CDH20: variants seen among roughly 807,000 people sequenced by gnomAD.
CDH20 encodes cadherin-20.
CDH20 carries 29 observed loss-of-function variants against 74.2 expected under a neutral mutation model. The observed-to-expected ratio is 0.39, with a 90% CI of 0.29 to 0.53. CDH20 has a LOEUF of 0.53. CDH20 is among the 20% of genes least tolerant of loss of function. The pLI is 0.69. For missense variants in CDH20, 988 were observed against 1,048.3 expected (o/e 0.94, Z 0.79); for synonymous variants, 469 against 405.4 (o/e 1.16, Z -1.88).
intron 6 of CDH20, among the ~76,000 whole-genome samples, chr18:61,523,086 T>G (rs560083906): frequency 6.6e-6 from 1 of 152,150 alleles, no homozygotes; most frequent in South Asian, 2.1e-4. Context: ...ACTAAAGAGC[T>G]TCTGCACAGC....
chr18:61,528,290 C>G, intron 7 of CDH20, 70 bp downstream of exon 7: 1 of 1,486,630 alleles, frequency 6.7e-7, no homozygotes, highest in Non-Finnish European at 9.2e-7. Context: ...AATTTTCTAG[C>G]ACTTTTCCCT....
In CDH20 at chr18:61,535,331, T is replaced by G. The variant is rs1568180735; in HGVS notation, c.1272-1162T>G. Among the ~76,000 whole-genome samples the G allele has an allele frequency of 1.3e-5, 2 of 151,902 alleles. 1 individual carries two copies. The highest frequency in any genetic ancestry group is 4.1e-4 in the South Asian group (2 of 4,820). On this transcript the variant is annotated intron_variant, in intron 7 of 11. Coordinates refer to ENST00000262717, the MANE Select transcript of CDH20 (RefSeq NM_031891.4). ...ACTCCACCTCAGAAAAAAAAAAGAATTAAAAAATAAAAATGATAAAAATTA... is the reference window on the plus strand; with the variant it reads ...ACTCCACCTCAGAAAAAAAAAAGAAGTAAAAAATAAAAATGATAAAAATTA...
At chr18:61,498,685 A>C (rs1318521817) in intron 2 of CDH20, among the ~76,000 whole-genome samples, 1 of 152,182 alleles carries the variant, frequency 6.6e-6, no homozygotes, top group African/African-American at 2.4e-5. Context: ...CACTTTTCTC[A>C]CTGCAGTGCC....
In CDH20 at chr18:61,503,116, C is replaced by G. The variant is rs1185962235; in HGVS notation, c.825C>G (p.Pro275=). ...TCAATGATAACCCACCCCGCTTTCCCCAGAGTGAGTACCTAACCCAAGAGA... is the reference window on the plus strand; with the variant it reads ...TCAATGATAACCCACCCCGCTTTCCGCAGAGTGAGTACCTAACCCAAGAGA... The part of the protein sequence containing the change: ...SDVNDNPPRF[P]QKHYQMSVLE... Residue 275 remains proline (P), a synonymous_variant, in exon 5 of 12, where the codon CCC becomes CCG. Coordinates refer to ENST00000262717, the MANE Select transcript of CDH20 (RefSeq NM_031891.4). The G allele has an allele frequency of 6.2e-7, 1 of 1,605,188 alleles. No homozygotes were observed. The highest frequency in any genetic ancestry group is 1.1e-5 in the South Asian group (1 of 89,266).
In CDH20 at chr18:61,555,186, T is replaced by G. The variant is rs1913589799; in HGVS notation, c.*491T>G. The G allele has an allele frequency of 5.1e-6, 5 of 986,786 alleles. No homozygotes were observed. Among genetic ancestry groups the G allele is most frequent in the Non-Finnish European group, 6.0e-6 (5 of 831,830 alleles). The allele number at this position is 986,786 out of a possible 1,614,324, so 61.1% of individuals were successfully genotyped here. On this transcript the variant is annotated 3_prime_UTR_variant, in exon 12 of 12. Coordinates refer to ENST00000262717, the MANE Select transcript of CDH20 (RefSeq NM_031891.4). ...CAAGAAAGAACAAAAAACTTGTTAC[T>G]CAGTGAAATTAACCTACTTGTTCTG... is the stretch of plus-strand genomic sequence containing the variant.
At chr18:61,461,548 G>C (rs979356893) in intron 1 of CDH20, among the ~76,000 whole-genome samples, 1 of 152,074 alleles carries the variant, frequency 6.6e-6, no homozygotes, top group East Asian at 1.9e-4. Context: ...TTCCCTGTGT[G>C]TCTGTCTGCT....
chr18:61,370,375 G>A (rs143284291), intron 1 of CDH20, among the ~76,000 whole-genome samples: 10 of 152,134 alleles, frequency 6.6e-5, no homozygotes, highest in African/African-American at 1.4e-4. Context: ...GCTTAAAAGT[G>A]AATATATCTA....
At chr18:61,494,259 G>T (rs1391104063) in intron 2 of CDH20, among the ~76,000 whole-genome samples, 1 of 152,180 alleles carries the variant, frequency 6.6e-6, no homozygotes, top group African/African-American at 2.4e-5. Context: ...ACACACACAG[G>T]AGTCAGTGGT....
At chr18:61,475,850 T>G (rs900220801) in intron 1 of CDH20, among the ~76,000 whole-genome samples, 5 of 152,232 alleles carry the variant, frequency 3.3e-5, no homozygotes, top group Admixed American at 1.3e-4. Context: ...ACCTGTCACA[T>G]CATAAATGAA....
intron 9 of CDH20, among the ~76,000 whole-genome samples, chr18:61,540,490 A>C (rs890709999): frequency 6.6e-6 from 1 of 152,202 alleles, no homozygotes; most frequent in Non-Finnish European, 1.5e-5. Context: ...CACATCTTAC[A>C]TGGCAGCAGG....
intron 1 of CDH20, among the ~76,000 whole-genome samples, chr18:61,408,755 T>A (rs1224082993): frequency 1.3e-5 from 2 of 152,176 alleles, no homozygotes; most frequent in Non-Finnish European, 2.9e-5. Flanking sequence ...CATTTGGTCC[T>A]CTTAATTTAG....
chr18:61,376,543 CATTA>C (rs1207742406), intron 1 of CDH20, among the ~76,000 whole-genome samples: 1 of 151,982 alleles, frequency 6.6e-6, no homozygotes, highest in Non-Finnish European at 1.5e-5. Flanking sequence ...TTGGACTTAT[CATTA>C]GTTATTCTAA....
Position 61,499,321 on chromosome 18 carries a change from G to T in CDH20, c.382G>T (p.Ala128Ser). 1 of 1,614,070 alleles carries T rather than the reference G, an allele frequency of 6.2e-7. No homozygotes were observed. The highest frequency in any genetic ancestry group is 8.5e-7 in the Non-Finnish European group (1 of 1,179,966). The change falls in exon 3 of 12, where the codon GCC becomes TCC. Residue 128 changes from alanine (A) to serine (S), a missense_variant. Around this residue, in one of 2 missense-constraint regions of CDH20, gnomAD observed 613 missense variants for 755.2 expected, o/e 0.81. Coordinates refer to ENST00000262717, the MANE Select transcript of CDH20 (RefSeq NM_031891.4). ...AIQRLDREER[A>S]QYTLRAQALD... ...TCAGAGGCTCGACCGAGAGGAAAGA[G>T]CCCAGTATACTCTAAGGGCTCAAGC...
chr18:61,425,962 C>T (rs969970593), intron 1 of CDH20, among the ~76,000 whole-genome samples: 6 of 152,180 alleles, frequency 3.9e-5, no homozygotes, highest in Admixed American at 2.0e-4. Flanking sequence ...CAGTACTTCA[C>T]TCTTTTTGAT....
intron 1 of CDH20, among the ~76,000 whole-genome samples, chr18:61,362,090 C>G (rs1910711752): frequency 6.6e-6 from 1 of 152,098 alleles, no homozygotes; most frequent in Non-Finnish European, 1.5e-5. Flanking sequence ...AGGATCAGAG[C>G]CCATAAACCC....
At chr18:61,435,063 C>A (rs1046011098) in intron 1 of CDH20, among the ~76,000 whole-genome samples, 2 of 152,052 alleles carry the variant, frequency 1.3e-5, no homozygotes, top group Non-Finnish European at 2.9e-5. Flanking sequence ...CAACTTTATG[C>A]GCATTCTCAC....
intron 6 of CDH20, among the ~76,000 whole-genome samples, chr18:61,516,614 A>G (rs1599140638): frequency 6.6e-6 from 1 of 152,264 alleles, no homozygotes; most frequent in Non-Finnish European, 1.5e-5. Context: ...GGATTCTCAG[A>G]TATTATTACT....
At chr18:61,482,769 T>C (rs1489172066) in intron 1 of CDH20, among the ~76,000 whole-genome samples, 1 of 152,036 alleles carries the variant, frequency 6.6e-6, no homozygotes, top group Non-Finnish European at 1.5e-5. Context: ...AGTGCTAAGA[T>C]TACAAGTGTG....
chr18:61,412,568 CAACA>C (rs1486182779), intron 1 of CDH20, among the ~76,000 whole-genome samples: 1 of 151,964 alleles, frequency 6.6e-6, no homozygotes, highest in Non-Finnish European at 1.5e-5. Flanking sequence ...AAGAATAGTC[CAACA>C]ACCCATCTGC....
Sources: allele counts gnomAD v4.1 joint callset (sites outside exome capture counted in the v4.1 genomes callset), GRCh38; gene constraint gnomAD v4.1.1; regional missense constraint gnomAD v4.1.1; transcripts MANE v1.5; gene names NCBI Gene and HGNC (gene_info 2026-07-23, HGNC 2026-07-21).